Variants in FBN2 observed in about 807,000 individuals in gnomAD.
FBN2 encodes fibrillin 2, also known as fibrillin-2.
In FBN2, 105 loss-of-function variants were observed where a neutral mutation model predicts 355.6. The ratio of observed to expected loss-of-function variants is 0.30; its 90% CI spans 0.25 to 0.35. The LOEUF (loss-of-function observed/expected upper bound fraction) is 0.35. Among genes scored for constraint, FBN2 ranks in the 10% least tolerant of loss-of-function variants. FBN2 has a pLI of 1.00. For synonymous variants in FBN2, 1,350 were observed against 1,301.2 expected, an observed-to-expected ratio of 1.04 and a Z score of -0.81; for missense variants, 3,280 against 3,758.7, an observed-to-expected ratio of 0.87 and a Z score of 3.33.
chr5:128,486,709 G>A (rs1324507400), intron 5 of FBN2, among the ~76,000 whole-genome samples: 1 of 151,994 alleles, frequency 6.6e-6, no homozygotes, highest in East Asian at 1.9e-4. Flanking sequence ...TGCCATGTTG[G>A]TTTGCTGCAC....
At chr5:128,416,966 ATTC>A (rs1753218155) in intron 7 of FBN2, among the ~76,000 whole-genome samples, 1 of 152,162 alleles carries the variant, frequency 6.6e-6, no homozygotes, top group Admixed American at 6.5e-5. Flanking sequence ...AATGATATTA[ATTC>A]TTCTGATCTA....
intron 55 of FBN2, among the ~76,000 whole-genome samples, chr5:128,285,037 A>C (rs1339905534): frequency 1.3e-5 from 2 of 152,202 alleles, no homozygotes; most frequent in Non-Finnish European, 2.9e-5. Context: ...TTCTTGATTC[A>C]TTTATTTGTT....
At chr5:128,500,505 C>T (rs551433772) in intron 5 of FBN2, among the ~76,000 whole-genome samples, 36 of 136,662 alleles carry the variant, frequency 2.6e-4, no homozygotes, top group African/African-American at 1.0e-3. Context: ...TGCTGTGGCG[C>T]GATCTCGGCC....
rs781747118 is a variant in FBN2, at chr5:128,303,092, A to G, written c.5801-3T>C. The G allele has an allele frequency of 1.3e-6, 2 of 1,557,332 alleles. No individual in the cohort carries two copies. The highest frequency in any genetic ancestry group is 8.9e-7 in the Non-Finnish European group (1 of 1,128,216). The stretch of plus-strand genomic sequence containing the variant: ...ATGCCGCTCGCACTCATCAACATCT[A>G]TAAAGAAATATAGGCTCAAAAAATT... On this transcript the variant is annotated splice_region_variant and splice_polypyrimidine_tract_variant and intron_variant, in intron 45 of 64. Transcript: ENST00000262464.
chr5:128,394,816 C>G (rs1047786106), intron 9 of FBN2, among the ~76,000 whole-genome samples: 1 of 152,090 alleles, frequency 6.6e-6, no homozygotes, highest in Non-Finnish European at 1.5e-5. Flanking sequence ...GACAGGGTCT[C>G]GCTCTGTCAC....
intron 45 of FBN2, among the ~76,000 whole-genome samples, chr5:128,304,520 GTATGTGCA>G (rs796478512): frequency 2.6e-5 from 4 of 152,284 alleles, no homozygotes; most frequent in African/African-American, 9.6e-5. Flanking sequence ...TTTTAAAAAA[GTATGTGCA>G]TATGTGTATA....
chr5:128,330,702 A>G lies in FBN2; in HGVS notation c.4223-7T>C. ...TTAGAACATTCGTCCAGATCTGCAG[A>G]ACACAGCAATAAAGTTCAGAAATGA... On this transcript the variant is annotated splice_region_variant and splice_polypyrimidine_tract_variant and intron_variant, in intron 32 of 64. Transcript: ENST00000262464. The G allele has an allele frequency of 6.2e-7, 1 of 1,613,980 alleles. No homozygotes were observed. Among genetic ancestry groups the G allele is most frequent in the Non-Finnish European group, 8.5e-7 (1 of 1,179,850 alleles).
At chr5:128,317,249 C>G (rs1327682973) in intron 36 of FBN2, among the ~76,000 whole-genome samples, 2 of 152,266 alleles carry the variant, frequency 1.3e-5, no homozygotes, top group East Asian at 3.9e-4. Context: ...ATCTCCCTGC[C>G]TCTAGAATGT....
Position 128,344,438 on chromosome 5 carries a change from T to G in FBN2, c.3290A>C (p.Lys1097Thr), listed in dbSNP as rs765437414. 62 of 1,613,722 alleles carry G rather than the reference T, an allele frequency of 3.8e-5. No homozygotes were observed. Among genetic ancestry groups the G allele is most frequent in the Non-Finnish European group, 5.0e-5 (59 of 1,179,726 alleles). The change falls in exon 25 of 65, where the codon AAA (lysine) becomes ACA (threonine). Residue 1097 changes from lysine to threonine, a missense_variant. Coordinates refer to ENST00000262464, the MANE Select transcript of FBN2 (RefSeq NM_001999.4). ...GKCRNTIGSFKCRCNSGFALD... is the reference protein window; with the variant it reads ...GKCRNTIGSFTCRCNSGFALD... ...AGCAAAGCCACTATTGCAACGGCAT[T>G]TGAAGCTTCCGATTGTATTTCTGCA...
chr5:128,308,152 C>T (rs1398386811), intron 41 of FBN2, among the ~76,000 whole-genome samples: 1 of 152,070 alleles, frequency 6.6e-6, no homozygotes, highest in Non-Finnish European at 1.5e-5. Context: ...ACATACTCTG[C>T]AGGAGGTTCC....
chr5:128,301,844 G>T (rs1250662084), intron 46 of FBN2, among the ~76,000 whole-genome samples: 1 of 152,088 alleles, frequency 6.6e-6, no homozygotes, highest in African/African-American at 2.4e-5. Flanking sequence ...CAGGCAGGAG[G>T]ATATGTGGGA....
chr5:128,347,302 C>G (rs184570519), intron 23 of FBN2, among the ~76,000 whole-genome samples: 1 of 152,204 alleles, frequency 6.6e-6, no homozygotes, highest in Non-Finnish European at 1.5e-5. Flanking sequence ...GTCTTTAATA[C>G]TGAGACCTCT....
intron 35 of FBN2, among the ~76,000 whole-genome samples, chr5:128,318,567 CATATATACATGTATATAT>C (rs1224561414): frequency 6.6e-6 from 1 of 151,488 alleles, no homozygotes; most frequent in Non-Finnish European, 1.5e-5. Context: ...ACAAAAATCA[CATATATACATGTATATAT>C]ATATATACAT....
chr5:128,275,339 A>AT (rs890327769), intron 59 of FBN2, among the ~76,000 whole-genome samples: 27 of 150,968 alleles, frequency 1.8e-4, no homozygotes, highest in African/African-American at 5.3e-4. Context: ...AGTCATACTC[A>AT]TTTTTTTTTG....
chr5:128,322,819 T>C (rs1402199801), intron 34 of FBN2, among the ~76,000 whole-genome samples: 1 of 152,214 alleles, frequency 6.6e-6, no homozygotes, highest in Admixed American at 6.5e-5. Context: ...AAGTCAATGG[T>C]AGCTTGATGG....
intron 5 of FBN2, among the ~76,000 whole-genome samples, chr5:128,494,378 A>C (rs1388644858): frequency 6.6e-6 from 1 of 152,182 alleles, no homozygotes; most frequent in Admixed American, 6.5e-5. Flanking sequence ...TAGCTTTATG[A>C]GGGCATTCAG....
chr5:128,437,763 A>G (rs1753806527), intron 7 of FBN2, among the ~76,000 whole-genome samples: 2 of 148,748 alleles, frequency 1.3e-5, no homozygotes. Context: ...ATAGATAAAT[A>G]GTATGTATGT....
chr5:128,438,111 C>T (rs886194641), intron 7 of FBN2, among the ~76,000 whole-genome samples: 2 of 152,170 alleles, frequency 1.3e-5, no homozygotes, highest in Non-Finnish European at 1.5e-5. Context: ...ATGCCTCAAG[C>T]CTCCGGAGTA....
At chr5:128,447,739 C>T (rs896673403) in intron 6 of FBN2, among the ~76,000 whole-genome samples, 25 of 152,222 alleles carry the variant, frequency 1.6e-4, no homozygotes, top group African/African-American at 6.0e-4. Flanking sequence ...TAAAAACTTG[C>T]TGGTTTTGCG....
Sources: allele counts gnomAD v4.1 joint callset (sites outside exome capture counted in the v4.1 genomes callset), GRCh38; gene constraint gnomAD v4.1.1; transcripts MANE v1.5; gene names NCBI Gene and HGNC (gene_info 2026-07-23, HGNC 2026-07-21).